KIAA0319: variants seen among roughly 807,000 people sequenced by gnomAD.
KIAA0319 encodes dyslexia-associated protein KIAA0319.
KIAA0319 carries 83 observed loss-of-function variants against 108.4 expected under a neutral mutation model. The observed-to-expected ratio is 0.77, with a 90% CI of 0.64 to 0.92. The LOEUF is 0.92. Ranked by LOEUF, KIAA0319 falls within the 40% of genes least tolerant of loss-of-function variation. The pLI is 0.00. For synonymous variants in KIAA0319, 484 were observed against 510.4 expected (o/e 0.95, Z 0.70); for missense variants, 1,195 against 1,322.4 (o/e 0.90, Z 1.49).
intron 1 of KIAA0319, among the ~76,000 whole-genome samples, chr6:24,628,873 C>T (rs998553907): frequency 2.6e-5 from 4 of 152,080 alleles, no homozygotes; most frequent in African/African-American, 4.8e-5. Flanking sequence ...GGGCACCAGT[C>T]GCAGTGGATA....
intron 2 of KIAA0319, chr6:24,600,603 T>A: frequency 7.4e-7 from 1 of 1,351,280 alleles, no homozygotes; most frequent in Non-Finnish European, 1.0e-6. Context: ...CCACCCTCAA[T>A]CCTTGGTATA....
chr6:24,589,219 C>T (rs1168689289), intron 3 of KIAA0319, among the ~76,000 whole-genome samples: 1 of 152,086 alleles, frequency 6.6e-6, no homozygotes, highest in East Asian at 1.9e-4. Flanking sequence ...AAATGGGATT[C>T]GTGCCCTTAT....
At chr6:24,581,998 T>C (rs554914420) in intron 6 of KIAA0319, among the ~76,000 whole-genome samples, 1 of 152,032 alleles carries the variant, frequency 6.6e-6, no homozygotes, top group East Asian at 1.9e-4. Flanking sequence ...ACAAAAAAAT[T>C]AGCCGGGTGT....
chr6:24,568,012 T>A (rs1278030183), intron 13 of KIAA0319, among the ~76,000 whole-genome samples: 1 of 152,162 alleles, frequency 6.6e-6, no homozygotes, highest in Non-Finnish European at 1.5e-5. Flanking sequence ...CAAATCTATA[T>A]CACTTTGCTG....
In KIAA0319 at chr6:24,583,839, C is replaced by G. The variant is rs1479101931; in HGVS notation, c.995-137G>C. On this transcript the variant is annotated intron_variant, in intron 4 of 20. Coordinates refer to ENST00000378214, the MANE Select transcript of KIAA0319 (RefSeq NM_014809.4). Reference sequence around the variant, plus strand: ...GTAATAGTTCTTCATAAGATTTTAGCTAAGGCACGTTTTTCCTCTGGCTAG... The same window carrying G: ...GTAATAGTTCTTCATAAGATTTTAGGTAAGGCACGTTTTTCCTCTGGCTAG... The G allele has an allele frequency of 4.8e-6, 3 of 628,824 alleles. No individual in the cohort carries two copies. The African/African-American group carries it at 5.6e-5, about 12-fold the overall frequency. The allele number at this position is 628,824 out of a possible 1,614,324, so 39.0% of individuals were successfully genotyped here.
chr6:24,551,630 A>T, intron 19 of KIAA0319, 105 bp from the exon 20 acceptor site: 1 of 765,112 alleles, frequency 1.3e-6, no homozygotes, highest in Non-Finnish European at 2.2e-6. Context: ...TGCCTTTATG[A>T]TGTGATAGTT....
intron 1 of KIAA0319, among the ~76,000 whole-genome samples, chr6:24,629,528 A>G (rs1190730499): frequency 1.9e-4 from 28 of 148,714 alleles, no homozygotes; most frequent in Admixed American, 1.3e-3. Context: ...AAAAAAAAAA[A>G]AAAGAAAGAA....
At chr6:24,542,876 G>GTC (rs1760255839), downstream of KIAA0319, among the ~76,000 whole-genome samples, 1 of 152,320 alleles carries the variant, frequency 6.6e-6, no homozygotes, top group East Asian at 1.9e-4. Context: ...GGACTCAGAT[G>GTC]TATCAACCAA....
At chr6:24,603,496 A>T (rs761793561) in intron 1 of KIAA0319, among the ~76,000 whole-genome samples, 1 of 152,228 alleles carries the variant, frequency 6.6e-6, no homozygotes, top group Non-Finnish European at 1.5e-5. Flanking sequence ...ACTAGATTTT[A>T]GTTCCAGTTC....
At chr6:24,556,835 G>T (rs1374468589) in intron 17 of KIAA0319, 106 bp from the exon 18 acceptor site, 3 of 1,289,766 alleles carry the variant, frequency 2.3e-6, no homozygotes, top group Middle Eastern at 2.8e-4. Context: ...AAAGCATCTT[G>T]TTGAATTAAG....
In KIAA0319 at chr6:24,596,462, C is replaced by T. The variant is rs777842139; in HGVS notation, c.212G>A (p.Trp71Ter). 1.2e-6 allele frequency: 2 copies of T among 1,614,194 alleles called. No individual in the cohort carries two copies. The highest frequency in any genetic ancestry group is 1.1e-5 in the South Asian group (1 of 91,090). ...CAGGTAGCAGCGGCCCTCGAACCAC[C>T]AGGCCAGGTCACAGCTGGACAGGTC... Reference protein sequence around the residue: ...CCDLSSCDLAWWFEGRCYLVS... With the variant: ...CCDLSSCDLA The change falls in exon 3 of 21, where the codon TGG becomes TAG. Residue 71 changes from tryptophan to a stop codon, truncating the protein, a stop_gained. Transcript: ENST00000378214. LOFTEE classifies it high-confidence loss of function.
chr6:24,563,405 C>A lies in KIAA0319; in HGVS notation c.2545G>T (p.Asp849Tyr). 6.2e-7 allele frequency: 1 copy of A among 1,613,858 alleles called. No individual in the cohort carries two copies. Among genetic ancestry groups the A allele is most frequent in the Non-Finnish European group, 8.5e-7 (1 of 1,179,908 alleles). Residue 849 changes from aspartate to tyrosine, a missense_variant, in exon 16 of 21, where the codon GAC (aspartate) becomes TAC (tyrosine). Asp to Tyr is a radical substitution (Grantham distance 160, BLOSUM62 -3). Coordinates refer to ENST00000378214, the MANE Select transcript of KIAA0319 (RefSeq NM_014809.4). ...RQLAVLLNVL[D>Y]SDIKVQKIRA... ...ATCTTCTGGACCTTAATGTCCGAGT[C>A]CAGCACGTTCAGCAGCACAGCCAGC...
chr6:24,613,684 AAAAAAAAC>A (rs1374289586), intron 1 of KIAA0319, among the ~76,000 whole-genome samples: 1 of 152,106 alleles, frequency 6.6e-6, no homozygotes, highest in Non-Finnish European at 1.5e-5. Context: ...TGAGGGAAAA[AAAAAAAAC>A]AAAATGAGGG....
In KIAA0319 at chr6:24,595,715, G is replaced by A. The variant is rs560457032; in HGVS notation, c.801+158C>T. On this transcript the variant is annotated intron_variant, in intron 3 of 20. Coordinates refer to ENST00000378214, the MANE Select transcript of KIAA0319 (RefSeq NM_014809.4). ...GCTTCCTAGAAATCTCTGAGAGACA[G>A]TCATCTTTCTTGCCACCACCTGAGA... Among the ~76,000 whole-genome samples the A allele has an allele frequency of 5.3e-5, 8 of 152,258 alleles. No homozygotes were observed. In the South Asian group the frequency reaches 1.4e-3, roughly 28 times the overall value.
At chr6:24,609,595 A>G (rs886429628) in intron 1 of KIAA0319, among the ~76,000 whole-genome samples, 1 of 152,112 alleles carries the variant, frequency 6.6e-6, no homozygotes, top group Non-Finnish European at 1.5e-5. Context: ...CAAACAAACA[A>G]ACAAACAAAA....
intron 3 of KIAA0319, 84 bp downstream of exon 3, chr6:24,595,777 AGCCTGAATGAGT>A: frequency 1.5e-6 from 2 of 1,378,834 alleles, no homozygotes; most frequent in Non-Finnish European, 2.0e-6. Context: ...AAGCTCATAC[AGCCTGAATGAGT>A]GCCCGGCTCC....
Position 24,596,312 on chromosome 6 carries a change from A to G in KIAA0319, c.362T>C (p.Leu121Pro). Residue 121 changes from leucine (L) to proline (P), a missense_variant, in exon 3 of 21, where the codon CTG becomes CCG. Coordinates refer to ENST00000378214, the MANE Select transcript of KIAA0319 (RefSeq NM_014809.4). The stretch of plus-strand genomic sequence containing the variant: ...GATCCCCGAGGGGGAGCCCCTGTTC[A>G]GCATCATGTCCCCATAGTCCAGCAG... ...AQLLDYGDMM[L>P]NRGSPSGIWG... The G allele has an allele frequency of 6.2e-7, 1 of 1,614,154 alleles. No homozygotes were observed. Among genetic ancestry groups the G allele is most frequent in the South Asian group, 1.1e-5 (1 of 91,088 alleles).
chr6:24,570,075 T>C, intron 11 of KIAA0319, 40 bp from the exon 12 acceptor site: 2 of 1,597,712 alleles, frequency 1.3e-6, no homozygotes, highest in South Asian at 2.2e-5. Flanking sequence ...ATTATCTCTT[T>C]GCATTAAGTC....
chr6:24,605,849 G>T (rs2127542753), intron 1 of KIAA0319, among the ~76,000 whole-genome samples: 1 of 151,946 alleles, frequency 6.6e-6, no homozygotes, highest in Non-Finnish European at 1.5e-5. Flanking sequence ...TACACTTATA[G>T]ATTTCATTTT....
Sources: gnomAD v4.1 joint callset for allele counts (sites outside exome capture counted in the v4.1 genomes callset) on GRCh38, gnomAD v4.1.1 for gene constraint, MANE v1.5 for transcripts, NCBI Gene and HGNC (gene_info 2026-07-23, HGNC 2026-07-21) for gene names.